The following DCLRE1A variants were observed in gnomAD, a reference collection of about 807,000 sequenced individuals.
DCLRE1A encodes DNA cross-link repair 1A, also known as DNA cross-link repair 1A protein.
DCLRE1A carries 64 observed loss-of-function variants against 91.9 expected under a neutral mutation model. The ratio of observed to expected loss-of-function variants is 0.70; its 90% CI spans 0.57 to 0.86. DCLRE1A has a LOEUF of 0.86. DCLRE1A is among the 40% of genes least tolerant of loss of function. The probability of loss-of-function intolerance (pLI) is 0.00; values close to 1 mark genes in which losing one functional copy is unlikely to be tolerated. For missense variants in DCLRE1A, 1,145 were observed against 1,213.3 expected, an observed-to-expected ratio of 0.94 and a Z score of 0.84; for synonymous variants, 416 against 431.1, an observed-to-expected ratio of 0.96 and a Z score of 0.43.
Position 113,835,227 on chromosome 10 carries a change from T to C in DCLRE1A, c.3048A>G (p.Val1016=), listed in dbSNP as rs1593068024. ...WLKPQKIIPT[V]NVGTWKSRST... Reference sequence around the variant, plus strand: ...TCCTAGATTTCCAGGTGCCCACATTTACAGTAGGTATGATTTTCTGGGGCT... The same window carrying C: ...TCCTAGATTTCCAGGTGCCCACATTCACAGTAGGTATGATTTTCTGGGGCT... The change falls in exon 9 of 9, where the codon GTA becomes GTG. Residue 1016 remains valine, a synonymous_variant. Transcript: ENST00000361384. 6.2e-7 allele frequency: 1 copy of C among 1,614,188 alleles called. No homozygotes were observed. The highest frequency in any genetic ancestry group is 8.5e-7 in the Non-Finnish European group (1 of 1,180,022).
chr10:113,844,654 G>A lies in DCLRE1A; in HGVS notation c.2379-410C>T, dbSNP rs192926283. On this transcript the variant is annotated intron_variant, in intron 4 of 8. Transcript: ENST00000361384. ...AAGTTGACTTTAAAAATCAGAACTC[G>A]GCCAGGCATGGTGGCTCACGCCTGT... Among the ~76,000 whole-genome samples, 102 of 152,210 alleles carry A rather than the reference G, an allele frequency of 6.7e-4. 1 individual carries two copies. The highest frequency in any genetic ancestry group is 2.1e-3 in the Admixed American group (32 of 15,294).
At chr10:113,842,571 C>T (rs1327924207) in intron 5 of DCLRE1A, 83 bp from the exon 6 acceptor site, 9 of 1,343,264 alleles carry the variant, frequency 6.7e-6, no homozygotes, top group South Asian at 1.6e-5. Context: ...AGAAAACAAG[C>T]GTTAGCAACT....
intron 7 of DCLRE1A, among the ~76,000 whole-genome samples, chr10:113,838,202 C>T (rs17228835): frequency 2.6e-5 from 4 of 152,258 alleles, no homozygotes; most frequent in African/African-American, 9.6e-5. Flanking sequence ...TGCAAATTTG[C>T]AAGTTTTTGC....
chr10:113,852,656 T>C, intron 1 of DCLRE1A, 67 bp downstream of exon 1: 1 of 1,431,952 alleles, frequency 7.0e-7, no homozygotes, highest in Non-Finnish European at 9.4e-7. Context: ...TTCACTGAAT[T>C]GGTATGTCTG....
chr10:113,845,507 A>G (rs1845522660), intron 4 of DCLRE1A, among the ~76,000 whole-genome samples, 178 bp downstream of exon 4: 1 of 152,250 alleles, frequency 6.6e-6, no homozygotes, highest in Non-Finnish European at 1.5e-5. Flanking sequence ...AGATCCCTTT[A>G]CTTTTCATCT....
chr10:113,851,341 C>T (rs1239118566), intron 1 of DCLRE1A, among the ~76,000 whole-genome samples: 2 of 152,044 alleles, frequency 1.3e-5, no homozygotes, highest in Non-Finnish European at 2.9e-5. Flanking sequence ...TATCTTCATG[C>T]AGTACTTTAA....
intron 1 of DCLRE1A, 82 bp downstream of exon 1, chr10:113,852,641 C>T (rs1362191185): frequency 3.7e-6 from 5 of 1,364,938 alleles, no homozygotes; most frequent in Non-Finnish European, 4.9e-6. Flanking sequence ...GCTTGCCTTC[C>T]TTGTTTCACT....
In DCLRE1A at chr10:113,841,028, A is replaced by T. The variant is rs17228807; in HGVS notation, c.2820+378T>A. 2.4e-3 allele frequency among the ~76,000 whole-genome samples: 359 copies of T among 152,366 alleles called. 1 individual carries two copies. Among genetic ancestry groups the T allele is most frequent in the African/African-American group, 7.9e-3 (327 of 41,592 alleles). ...ATCTAGAAAGGCTTAATATTAATAC[A>T]GAATAGAATAGACCTGAAGTAAACT... On this transcript the variant is annotated intron_variant, in intron 7 of 8. Coordinates refer to ENST00000361384, the MANE Select transcript of DCLRE1A (RefSeq NM_014881.5).
Position 113,853,156 on chromosome 10 carries a change from GTCT to G in DCLRE1A, c.24_26del (p.Glu8del). The G allele has an allele frequency of 6.4e-7, 1 of 1,574,486 alleles. No homozygotes were observed. ...TTCTTTTAGATTTGTATTCCCAAAT[GTCT>G]TCTTCGGAAATGTCTTCTAACATGG... On this transcript the variant is annotated inframe_deletion, in exon 1 of 9. Transcript: ENST00000361384.
chr10:113,841,741 G>A (rs1393290036), intron 6 of DCLRE1A, among the ~76,000 whole-genome samples, 181 bp from the exon 7 acceptor site: 1 of 152,076 alleles, frequency 6.6e-6, no homozygotes, highest in East Asian at 1.9e-4. Flanking sequence ...GGAATGAATT[G>A]TGAGAAAACT....
intron 2 of DCLRE1A, 71 bp from the exon 3 acceptor site, chr10:113,847,406 T>A: frequency 1.3e-6 from 2 of 1,560,638 alleles, no homozygotes; most frequent in East Asian, 2.2e-5. Context: ...AAATACTGAA[T>A]GAACCCTCTA....
intron 1 of DCLRE1A, 92 bp downstream of exon 1, chr10:113,852,631 G>C (rs1845672414): frequency 1.6e-6 from 2 of 1,271,074 alleles, no homozygotes; most frequent in Admixed American, 2.8e-5. Context: ...TTAGGTTACT[G>C]CTTGCCTTCC....
At chr10:113,845,926 C>A in intron 3 of DCLRE1A, 123 bp from the exon 4 acceptor site, 2 of 835,062 alleles carry the variant, frequency 2.4e-6, no homozygotes, top group East Asian at 2.5e-5. Flanking sequence ...AGTAAACACT[C>A]CACAATGCCA....
At chr10:113,840,906 A>C (rs945520462) in intron 7 of DCLRE1A, among the ~76,000 whole-genome samples, 3 of 152,204 alleles carry the variant, frequency 2.0e-5, no homozygotes, top group Admixed American at 1.3e-4. Flanking sequence ...CATACGTCTT[A>C]ACTTACACCT....
Position 113,844,255 on chromosome 10 carries a change from A to T in DCLRE1A, c.2379-11T>A, listed in dbSNP as rs1381133780. 1 of 1,613,362 alleles carries T rather than the reference A, an allele frequency of 6.2e-7. No individual in the cohort carries two copies. Among genetic ancestry groups the T allele is most frequent in the African/African-American group, 1.3e-5 (1 of 74,896 alleles). The stretch of plus-strand genomic sequence containing the variant: ...ACAGCACCTGGACAGCTGAACACAA[A>T]TGTCAAAGGAATGTTCATAACACAG... On this transcript the variant is annotated splice_polypyrimidine_tract_variant and intron_variant, in intron 4 of 8. Transcript: ENST00000361384.
chr10:113,841,502 T>C lies in DCLRE1A; in HGVS notation c.2724A>G (p.Leu908=), dbSNP rs368430007. 6 of 1,613,382 alleles carry C rather than the reference T, an allele frequency of 3.7e-6. No homozygotes were observed. In the African/African-American group the frequency reaches 4.0e-5, roughly 11 times the overall value. ...VGMSQEKYKT[L]QCLNIPEINS... Reference sequence around the variant, plus strand: ...TAATTTCTGGTATATTGAGGCACTGTAGAGTTTTATATTTTTCCTGGGACA... The same window carrying C: ...TAATTTCTGGTATATTGAGGCACTGCAGAGTTTTATATTTTTCCTGGGACA... The change falls in exon 7 of 9, where the codon CTA becomes CTG. Residue 908 remains leucine (L), a synonymous_variant. Coordinates refer to ENST00000361384, the MANE Select transcript of DCLRE1A (RefSeq NM_014881.5).
At chr10:113,837,315 C>T in intron 7 of DCLRE1A, 112 bp from the exon 8 acceptor site, 1 of 925,274 alleles carries the variant, frequency 1.1e-6, no homozygotes, top group Non-Finnish European at 1.5e-6. Context: ...CATTTTTAAG[C>T]ATTAGCTTCA....
chr10:113,851,416 A>AT (rs933889822), intron 1 of DCLRE1A, among the ~76,000 whole-genome samples: 7 of 152,254 alleles, frequency 4.6e-5, no homozygotes, highest in South Asian at 4.1e-4. Context: ...CATATTGAGT[A>AT]TTTTTTTATT....
rs80160663 is a variant in DCLRE1A at position 113,845,172 on chromosome 10, A to T, written c.2378+513T>A. Among the ~76,000 whole-genome samples the T allele has an allele frequency of 2.4e-3, 358 of 152,278 alleles. 1 individual carries two copies. Among genetic ancestry groups the T allele is most frequent in the African/African-American group, 7.8e-3 (326 of 41,554 alleles). On this transcript the variant is annotated intron_variant, in intron 4 of 8. Coordinates refer to ENST00000361384, the MANE Select transcript of DCLRE1A (RefSeq NM_014881.5). The stretch of plus-strand genomic sequence containing the variant: ...GTGTTTTGACAACATGAATGCTGAT[A>T]GTACTTTATATTAAAAGAAAAAAAG...
Sources: allele counts gnomAD v4.1 joint callset (sites outside exome capture counted in the v4.1 genomes callset), GRCh38; gene constraint gnomAD v4.1.1; transcripts MANE v1.5; gene names NCBI Gene and HGNC (gene_info 2026-07-23, HGNC 2026-07-21).